The following PLA2G12A variants were observed in gnomAD, a reference collection of about 807,000 sequenced individuals.
PLA2G12A encodes group XIIA secretory phospholipase A2.
PLA2G12A carries 11 observed loss-of-function variants against 16.0 expected under a neutral mutation model. The ratio of observed to expected loss-of-function variants is 0.69; its 90% confidence interval spans 0.43 to 1.13. The LOEUF (loss-of-function observed/expected upper bound fraction) is 1.13. PLA2G12A is among the 50% of genes most tolerant of loss of function. The pLI is 0.00. For missense variants in PLA2G12A, 214 were observed against 237.3 expected (o/e 0.90, Z 0.65); for synonymous variants, 77 against 93.8 (o/e 0.82, Z 1.03).
At chr4:109,721,183 C>A (rs560204617) in intron 1 of PLA2G12A, among the ~76,000 whole-genome samples, 1 of 152,170 alleles carries the variant, frequency 6.6e-6, no homozygotes, top group Admixed American at 6.5e-5. Context: ...GATAGCACTT[C>A]GTCTTGTTTC....
chr4:109,723,881 T>A (rs1432339870), intron 1 of PLA2G12A, among the ~76,000 whole-genome samples: 1 of 152,216 alleles, frequency 6.6e-6, no homozygotes, highest in African/African-American at 2.4e-5. Flanking sequence ...TAGAAGTATA[T>A]CATCTAAAAA....
intron 1 of PLA2G12A, among the ~76,000 whole-genome samples, chr4:109,723,457 G>T (rs1722854607): frequency 2.0e-5 from 3 of 152,152 alleles, no homozygotes; most frequent in Non-Finnish European, 4.4e-5. Context: ...TCAGGACAGA[G>T]GTCCACTACA....
chr4:109,715,090 C>T (rs1730803661), intron 3 of PLA2G12A, among the ~76,000 whole-genome samples: 1 of 152,064 alleles, frequency 6.6e-6, no homozygotes, highest in South Asian at 2.1e-4. Flanking sequence ...GGATTACAGG[C>T]GTGGGCCACC....
rs199982784 is a variant in PLA2G12A at position 109,720,465 on chromosome 4, C to T, written c.209-1706G>A. Among the ~76,000 whole-genome samples, 62 of 149,414 alleles carry T rather than the reference C, an allele frequency of 4.1e-4. 1 individual carries two copies. The East Asian group carries it at 8.8e-3, about 21-fold the overall frequency. On this transcript the variant is annotated intron_variant, in intron 1 of 3. Transcript: ENST00000243501. ...GGTAATAACTGAAAAATGGTTTTGGCTGGGCGTGGTGGCTCACGCCTATAA... is the reference window on the plus strand; with the variant it reads ...GGTAATAACTGAAAAATGGTTTTGGTTGGGCGTGGTGGCTCACGCCTATAA...
chr4:109,714,787 T>C (rs892389510), intron 3 of PLA2G12A, among the ~76,000 whole-genome samples: 7 of 148,018 alleles, frequency 4.7e-5, no homozygotes, highest in African/African-American at 1.8e-4. Context: ...CAGAGTGGAG[T>C]GTCATGGTGC....
chr4:109,717,447 T>C (rs2126166730), intron 3 of PLA2G12A, 101 bp downstream of exon 3: 1 of 1,225,586 alleles, frequency 8.2e-7, no homozygotes, highest in African/African-American at 1.5e-5. Context: ...ATAGATAATA[T>C]ATGTGAAAGA....
At position 109,729,900 on chromosome 4, in the gene PLA2G12A, C is replaced by G. The variant is rs1017652102; in HGVS notation, c.-91G>C. 8.5e-7 allele frequency: 1 copy of G among 1,181,684 alleles called. No homozygotes were observed. The highest frequency in any genetic ancestry group is 1.1e-6 in the Non-Finnish European group (1 of 874,128). 73.2% of individuals were successfully genotyped at this position (1,181,684 alleles called of 1,614,324 possible). ...AGGACGCGCTAGGCAGCGGCGCGGG[C>G]CCCGGACTTGGCAGCAGCCAGCTCC... On this transcript the variant is annotated 5_prime_UTR_variant, in exon 1 of 4. Transcript: ENST00000243501.
chr4:109,728,328 A>C (rs1722979388), intron 1 of PLA2G12A, among the ~76,000 whole-genome samples: 1 of 152,232 alleles, frequency 6.6e-6, no homozygotes, highest in Non-Finnish European at 1.5e-5. Flanking sequence ...CTGAATCTCA[A>C]ATTAGAACAA....
intron 1 of PLA2G12A, among the ~76,000 whole-genome samples, chr4:109,725,696 T>C (rs1337169500): frequency 6.6e-6 from 1 of 152,250 alleles, no homozygotes; most frequent in Non-Finnish European, 1.5e-5. Context: ...AAGATTTTCA[T>C]AGACTGAGAC....
In PLA2G12A at chr4:109,710,432, T is replaced by C. The variant is rs1187629027; in HGVS notation, c.*3945A>G. 3.3e-5 allele frequency: 5 copies of C among 152,240 alleles called. No homozygotes were observed. Among genetic ancestry groups the C allele is most frequent in the Non-Finnish European group, 7.3e-5 (5 of 68,046 alleles). 9.4% of individuals were successfully genotyped at this position (152,240 alleles called of 1,614,324 possible). ...AAATACTAAGATAAATAATCACTCT[T>C]TTAAATTTAGAGAGAGTTGGTTTTA... On this transcript the variant is annotated 3_prime_UTR_variant, in exon 4 of 4. Coordinates refer to ENST00000243501, the MANE Select transcript of PLA2G12A (RefSeq NM_030821.5).
At chr4:109,721,127 T>C (rs1730933744) in intron 1 of PLA2G12A, among the ~76,000 whole-genome samples, 1 of 152,066 alleles carries the variant, frequency 6.6e-6, no homozygotes, top group African/African-American at 2.4e-5. Flanking sequence ...GAAAAATGTA[T>C]ACAAAAAGGA....
In PLA2G12A at chr4:109,726,538, C is replaced by T. The variant is rs571024937; in HGVS notation, c.208+3064G>A. Among the ~76,000 whole-genome samples, 13 of 152,260 alleles carry T rather than the reference C, an allele frequency of 8.5e-5. No individual in the cohort carries two copies. In the South Asian group the frequency reaches 2.7e-3, roughly 32 times the overall value. On this transcript the variant is annotated intron_variant, in intron 1 of 3. Coordinates refer to ENST00000243501, the MANE Select transcript of PLA2G12A (RefSeq NM_030821.5). ...TTGTCTGGACTCCTGCATGCGTCAC[C>T]CTGCTTCCATTTTTACTCCCCCACT...
In PLA2G12A at chr4:109,714,111, C is replaced by G. The variant is rs1579121828; in HGVS notation, c.*266G>C. 1 of 346,172 alleles carries G rather than the reference C, an allele frequency of 2.9e-6. No individual in the cohort carries two copies. The highest frequency in any genetic ancestry group is 4.5e-5 in the East Asian group (1 of 22,140). 21.4% of individuals were successfully genotyped at this position (346,172 alleles called of 1,614,324 possible). On this transcript the variant is annotated 3_prime_UTR_variant, in exon 4 of 4. Coordinates refer to ENST00000243501, the MANE Select transcript of PLA2G12A (RefSeq NM_030821.5). ...TTCAAAATTCTCCGCTAAACAAGCA[C>G]TTGTTTTTGATATTGGTCAAGACAT...
chr4:109,722,483 A>G (rs1722808031), intron 1 of PLA2G12A, among the ~76,000 whole-genome samples: 2 of 152,204 alleles, frequency 1.3e-5, no homozygotes, highest in Non-Finnish European at 2.9e-5. Context: ...TGCCCTATAA[A>G]AGTGGCCCTA....
intron 1 of PLA2G12A, among the ~76,000 whole-genome samples, chr4:109,722,341 C>T (rs1388041484): frequency 6.6e-6 from 1 of 152,196 alleles, no homozygotes; most frequent in Admixed American, 6.5e-5. Flanking sequence ...TTCTCCTTTA[C>T]TGCTATGGTT....
At position 109,714,404 on chromosome 4, in the gene PLA2G12A, A is replaced by G; in HGVS notation, c.543T>C (p.Cys181=). ...YLDSQRAACR[C]HYEEKTDL is the part of the protein sequence containing the mutation. ...AAAGATCAGTTTTTTCTTCATAATG[A>G]CACCTGCATGCGGCTCGTTGGCTGT... The change falls in exon 4 of 4, where the codon TGT becomes TGC. Residue 181 remains cysteine (C), a synonymous_variant. Coordinates refer to ENST00000243501, the MANE Select transcript of PLA2G12A (RefSeq NM_030821.5). The G allele has an allele frequency of 6.2e-7, 1 of 1,613,700 alleles. No individual in the cohort carries two copies. The highest frequency in any genetic ancestry group is 8.5e-7 in the Non-Finnish European group (1 of 1,179,604).
rs1056717120 is a variant in PLA2G12A, at chr4:109,729,548, TC to T, written c.208+53del. The T allele has an allele frequency of 3.2e-6, 5 of 1,558,334 alleles. No individual in the cohort carries two copies. In the African/African-American group the frequency reaches 6.8e-5, roughly 21 times the overall value. On this transcript the variant is annotated intron_variant, in intron 1 of 3. Transcript: ENST00000243501. ...GTCACTCACACCTCCAGGATCTCCG[TC>T]ACCCCAATCCCCCGAAAGCACGAGC...
In PLA2G12A at chr4:109,729,131, T is replaced by A. The variant is rs191422344; in HGVS notation, c.208+471A>T. ...AGTCTGTACAAAGGTCGCAAGTTAT[T>A]GTCTATGGGTTTGCAGAAAAAAAAC... On this transcript the variant is annotated intron_variant, in intron 1 of 3. Coordinates refer to ENST00000243501, the MANE Select transcript of PLA2G12A (RefSeq NM_030821.5). Among the ~76,000 whole-genome samples, 21 of 152,298 alleles carry A rather than the reference T, an allele frequency of 1.4e-4. No individual in the cohort carries two copies. The East Asian group carries it at 3.5e-3, about 25-fold the overall frequency.
chr4:109,716,996 A>G (rs1730838609), intron 3 of PLA2G12A, among the ~76,000 whole-genome samples: 3 of 152,244 alleles, frequency 2.0e-5, no homozygotes, highest in Admixed American at 2.0e-4. Context: ...AAATGTGATT[A>G]GTGCTCTTAT....
Sources: allele counts gnomAD v4.1 joint callset (sites outside exome capture counted in the v4.1 genomes callset), GRCh38; gene constraint gnomAD v4.1.1; transcripts MANE v1.5; gene names NCBI Gene and HGNC (gene_info 2026-07-23, HGNC 2026-07-21).